ADGRV1: variants seen among roughly 807,000 people sequenced by gnomAD.
ADGRV1 encodes G-protein coupled receptor 98.
A neutral mutation model predicts 596.2 loss-of-function variants in ADGRV1; 359 were observed. The observed-to-expected ratio is 0.60, with a 90% confidence interval of 0.55 to 0.66. ADGRV1 has a LOEUF of 0.66. Ranked by LOEUF, ADGRV1 falls within the 30% of genes least tolerant of loss-of-function variation. ADGRV1 has a pLI of 0.00. For synonymous variants in ADGRV1, 2,681 were observed against 2,679.2 expected (o/e 1.00, Z -0.02); for missense variants, 7,274 against 7,575.6 (o/e 0.96, Z 1.48).
At chr5:90,852,809 G>A (rs1053153457) in intron 79 of ADGRV1, among the ~76,000 whole-genome samples, 2 of 152,280 alleles carry the variant, frequency 1.3e-5, no homozygotes, top group Non-Finnish European at 2.9e-5. Context: ...GGCAGGCTCT[G>A]GTGGATTAGA....
At chr5:91,081,717 C>CATTCA (rs1281678677) in intron 86 of ADGRV1, among the ~76,000 whole-genome samples, 2 of 152,154 alleles carry the variant, frequency 1.3e-5, no homozygotes, top group African/African-American at 4.8e-5. Context: ...ACCCGGGAGG[C>CATTCA]AGAGGTTGCA....
rs114851823 is a variant in ADGRV1, at chr5:90,807,573, C to T, written c.14837-29C>T. 33 of 1,595,700 alleles carry T rather than the reference C, an allele frequency of 2.1e-5. No homozygotes were observed. The African/African-American group carries it at 4.4e-4, about 21-fold the overall frequency. ...CCAATTTAAGAAAAGAAATAATACC[C>T]TACTTTGCTTTTTCATGTTTTCTTT... On this transcript the variant is annotated intron_variant, in intron 72 of 89. Coordinates refer to ENST00000405460, the MANE Select transcript of ADGRV1 (RefSeq NM_032119.4).
At chr5:90,909,950 C>T (rs1209107252) in intron 83 of ADGRV1, among the ~76,000 whole-genome samples, 1 of 152,012 alleles carries the variant, frequency 6.6e-6, no homozygotes, top group Admixed American at 6.6e-5. Flanking sequence ...CCCAAGTCAC[C>T]CCATGTGTCA....
chr5:90,886,118 A>C (rs1332010632), intron 83 of ADGRV1, among the ~76,000 whole-genome samples: 1 of 152,220 alleles, frequency 6.6e-6, no homozygotes, highest in African/African-American at 2.4e-5. Flanking sequence ...AAGAGCTTGC[A>C]GCAACCTATC....
chr5:90,745,445 C>T, intron 51 of ADGRV1, 146 bp from the exon 52 acceptor site: 2 of 720,490 alleles, frequency 2.8e-6, no homozygotes, highest in South Asian at 2.1e-5. Context: ...ATCAGTATTA[C>T]ATGAATATTT....
intron 52 of ADGRV1, 144 bp downstream of exon 52, chr5:90,745,939 G>T: frequency 6.8e-6 from 4 of 590,110 alleles, no homozygotes; most frequent in South Asian, 2.3e-5. Context: ...TCCCTTTTAT[G>T]TGCATTCTAG....
intron 17 of ADGRV1, among the ~76,000 whole-genome samples, chr5:90,649,490 AT>A (rs1216061027): frequency 4.7e-5 from 7 of 150,134 alleles, no homozygotes; most frequent in African/African-American, 7.3e-5. Flanking sequence ...GGGAACTGAC[AT>A]TTTTTTTTCT....
chr5:90,890,602 A>G (rs944091401), intron 83 of ADGRV1, among the ~76,000 whole-genome samples: 6 of 152,164 alleles, frequency 3.9e-5, no homozygotes, highest in Non-Finnish European at 8.8e-5. Flanking sequence ...CTGTCACATA[A>G]GAAACACTAT....
Position 91,163,893 on chromosome 5 carries a change from A to G in ADGRV1, c.18914A>G (p.His6305Arg). The G allele has an allele frequency of 6.9e-7, 1 of 1,459,478 alleles. No homozygotes were observed. The highest frequency in any genetic ancestry group is 9.6e-7 in the Non-Finnish European group (1 of 1,043,022). 90.4% of individuals were successfully genotyped at this position (1,459,478 alleles called of 1,614,324 possible). Residue 6305 changes from histidine to arginine, a missense_variant, in exon 90 of 90, where the codon CAC becomes CGC. This residue lies in a region of ADGRV1 where 1,874 missense variants were observed against 1,970.2 expected (regional missense o/e 0.95). Transcript: ENST00000405460. ...AGGAGGATACCCATCGCCGACACTC[A>G]CCTGTAGCACCTCACTAACCATTCG... The part of the protein sequence containing the change: ...ELRRIPIADT[H>R]L
At chr5:90,585,507 A>G (rs895536245) in intron 1 of ADGRV1, among the ~76,000 whole-genome samples, 3 of 152,090 alleles carry the variant, frequency 2.0e-5, no homozygotes, top group Non-Finnish European at 4.4e-5. Context: ...AAACTGTATC[A>G]CCTCCCACAG....
chr5:91,040,886 T>A (rs987753296), intron 85 of ADGRV1, among the ~76,000 whole-genome samples: 12 of 152,214 alleles, frequency 7.9e-5, no homozygotes, highest in Non-Finnish European at 4.4e-5. Context: ...CAGGTCATCA[T>A]GGAATTGAGC....
At chr5:90,757,284 A>C (rs1007143364) in intron 57 of ADGRV1, 123 bp downstream of exon 57, 1 of 681,144 alleles carries the variant, frequency 1.5e-6, no homozygotes, top group South Asian at 2.3e-5. Context: ...TTCTATGTTA[A>C]GTCAAACAAA....
intron 29 of ADGRV1, 73 bp downstream of exon 29, chr5:90,686,068 C>T: frequency 1.1e-6 from 1 of 883,230 alleles, no homozygotes; most frequent in Non-Finnish European, 1.5e-6. Flanking sequence ...CCTTGATTAA[C>T]ACAGCCTCTC....
intron 9 of ADGRV1, among the ~76,000 whole-genome samples, chr5:90,634,685 G>A (rs1765930987): frequency 6.6e-6 from 1 of 152,150 alleles, no homozygotes; most frequent in Non-Finnish European, 1.5e-5. Flanking sequence ...TGGCAAGGAG[G>A]AAAAGCAGGT....
intron 16 of ADGRV1, among the ~76,000 whole-genome samples, chr5:90,646,841 T>C (rs1767862261): frequency 6.6e-6 from 1 of 150,924 alleles, no homozygotes; most frequent in Non-Finnish European, 1.5e-5. Context: ...CGGCGTGATC[T>C]CGGCTCACTG....
chr5:90,602,235 C>T (rs542585649), intron 1 of ADGRV1, among the ~76,000 whole-genome samples: 110 of 152,066 alleles, frequency 7.2e-4, no homozygotes, highest in African/African-American at 2.6e-3. Flanking sequence ...TTTAATATGT[C>T]GGTAGATAGA....
At chr5:90,760,824 G>A (rs1357137202) in intron 58 of ADGRV1, among the ~76,000 whole-genome samples, 4 of 152,144 alleles carry the variant, frequency 2.6e-5, no homozygotes, top group Non-Finnish European at 5.9e-5. Context: ...AAGTATTTGT[G>A]CAGCCATATT....
At chr5:90,696,317 A>G (rs1747189694) in intron 33 of ADGRV1, among the ~76,000 whole-genome samples, 1 of 151,890 alleles carries the variant, frequency 6.6e-6, no homozygotes, top group Admixed American at 6.6e-5. Flanking sequence ...TGTCCCTTTG[A>G]GTTCCTCTTT....
intron 78 of ADGRV1, among the ~76,000 whole-genome samples, chr5:90,844,188 C>G (rs1003707299): frequency 6.6e-6 from 1 of 152,060 alleles, no homozygotes; most frequent in African/African-American, 2.4e-5. Flanking sequence ...TCTAAAATAA[C>G]CTCATATTAA....
Sources: gnomAD v4.1 joint callset for allele counts (sites outside exome capture counted in the v4.1 genomes callset) on GRCh38, gnomAD v4.1.1 for gene constraint, gnomAD v4.1.1 regional missense constraint, MANE v1.5 for transcripts, NCBI Gene and HGNC (gene_info 2026-07-23, HGNC 2026-07-21) for gene names.